Variants in DLG2 observed in about 807,000 individuals in gnomAD.
DLG2 encodes the protein disks large homolog 2.
Under a neutral mutation model 132.5 loss-of-function variants are expected in DLG2, and 45 were observed. That is an observed-to-expected ratio of 0.34 (90% CI 0.27 to 0.44). The LOEUF is 0.44. Among genes scored for constraint, DLG2 ranks in the 20% least tolerant of loss-of-function variants. The pLI is 1.00. For synonymous variants in DLG2, 424 were observed against 419.6 expected, an observed-to-expected ratio of 1.01 and a Z score of -0.13; for missense variants, 1,045 against 1,196.9, an observed-to-expected ratio of 0.87 and a Z score of 1.87.
At chr11:84,709,164 T>A (rs2060098935) in intron 6 of DLG2, among the ~76,000 whole-genome samples, 1 of 151,832 alleles carries the variant, frequency 6.6e-6, no homozygotes. Context: ...TAGGATATAT[T>A]AATAATATGC....
At chr11:84,235,442 C>A (rs925975707) in intron 8 of DLG2, among the ~76,000 whole-genome samples, 2 of 151,980 alleles carry the variant, frequency 1.3e-5, no homozygotes, top group Admixed American at 6.6e-5. Context: ...ACTTTGAGAG[C>A]CTAAGGCAGA....
intron 8 of DLG2, among the ~76,000 whole-genome samples, chr11:84,184,893 T>G (rs921765161): frequency 4.6e-5 from 7 of 152,208 alleles, no homozygotes; most frequent in Non-Finnish European, 8.8e-5. Context: ...ATATGCGACA[T>G]TATTTCTGAG....
intron 7 of DLG2, among the ~76,000 whole-genome samples, chr11:84,277,971 G>A (rs2154368432): frequency 6.6e-6 from 1 of 151,448 alleles, no homozygotes; most frequent in South Asian, 2.1e-4. Flanking sequence ...ATGGCTCACT[G>A]AAGACTTGAA....
At chr11:85,016,198 T>G (rs1302212346) in intron 6 of DLG2, among the ~76,000 whole-genome samples, 1 of 152,144 alleles carries the variant, frequency 6.6e-6, no homozygotes, top group African/African-American at 2.4e-5. Context: ...AAATTGTGTA[T>G]GTTTCTCTTT....
intron 7 of DLG2, among the ~76,000 whole-genome samples, chr11:84,268,562 C>T (rs868648299): frequency 3.3e-5 from 5 of 151,330 alleles, no homozygotes; most frequent in East Asian, 3.9e-4. Flanking sequence ...CCCAGGTTCA[C>T]GCCATTCTCC....
At chr11:83,647,753 T>C (rs1252238240) in intron 18 of DLG2, 1 of 152,236 alleles carries the variant, frequency 6.6e-6, no homozygotes, top group Non-Finnish European at 1.5e-5. Context: ...AATTCCTTAA[T>C]TGTTACTTTA....
At chr11:83,945,806 C>CTGTG (rs56913664) in intron 14 of DLG2, among the ~76,000 whole-genome samples, 83,151 of 136,112 alleles carry the variant, frequency 0.61, 26,362 homozygotes, top group Non-Finnish European at 0.72. Context: ...AGAAATGCCT[C>CTGTG]TGTGTGTGTG....
intron 15 of DLG2, among the ~76,000 whole-genome samples, chr11:83,888,801 G>A (rs1253128962): frequency 7.9e-5 from 12 of 152,142 alleles, no homozygotes; most frequent in East Asian, 1.9e-4. Flanking sequence ...AAATAAAGCC[G>A]CATATCTACA....
At position 83,580,367 on chromosome 11, in the gene DLG2, A is replaced by C. The variant is rs551446000; in HGVS notation, c.1941-38509T>G. Among the ~76,000 whole-genome samples, 13 of 152,270 alleles carry C rather than the reference A, an allele frequency of 8.5e-5. No individual in the cohort carries two copies. The East Asian group carries it at 2.5e-3, about 29-fold the overall frequency. On this transcript the variant is annotated intron_variant, in intron 19 of 27. Transcript: ENST00000376104. ...TAGATGCCACAACTTTTAGGAAAAAAAAAAACATTTATTGAGCACTACTCT... is the reference window on the plus strand; with the variant it reads ...TAGATGCCACAACTTTTAGGAAAAACAAAAACATTTATTGAGCACTACTCT...
intron 3 of DLG2, among the ~76,000 whole-genome samples, chr11:85,527,672 T>C (rs751720556): frequency 2.0e-5 from 3 of 152,226 alleles, no homozygotes; most frequent in Non-Finnish European, 4.4e-5. Flanking sequence ...TGCATCTGTC[T>C]TTATAGTAAA....
At chr11:85,280,445 C>T (rs1305492093) in intron 4 of DLG2, among the ~76,000 whole-genome samples, 1 of 152,054 alleles carries the variant, frequency 6.6e-6, no homozygotes, top group Non-Finnish European at 1.5e-5. Flanking sequence ...AGAAGACTTT[C>T]AGATTACTCT....
chr11:83,576,654 G>A (rs1163959763), intron 19 of DLG2, among the ~76,000 whole-genome samples: 1 of 152,004 alleles, frequency 6.6e-6, no homozygotes, highest in Non-Finnish European at 1.5e-5. Context: ...GCACTGTAAG[G>A]GTCAACTTAA....
chr11:84,440,696 T>A (rs2099014618), intron 7 of DLG2, among the ~76,000 whole-genome samples: 1 of 152,178 alleles, frequency 6.6e-6, no homozygotes, highest in South Asian at 2.1e-4. Flanking sequence ...TTAAAGCCTC[T>A]CCTATGACGG....
chr11:84,257,665 C>T (rs1350574612), intron 7 of DLG2, among the ~76,000 whole-genome samples: 1 of 151,152 alleles, frequency 6.6e-6, no homozygotes, highest in Admixed American at 6.6e-5. Context: ...ACAGATTTCA[C>T]CAGTTATCTC....
At chr11:83,571,126 C>A (rs1056316276) in intron 19 of DLG2, among the ~76,000 whole-genome samples, 1 of 152,144 alleles carries the variant, frequency 6.6e-6, no homozygotes, top group Non-Finnish European at 1.5e-5. Flanking sequence ...AGGTGATCCA[C>A]CCACCTTGGC....
intron 10 of DLG2, among the ~76,000 whole-genome samples, chr11:84,096,564 G>A (rs2097168427): frequency 6.6e-6 from 1 of 152,048 alleles, no homozygotes; most frequent in African/African-American, 2.4e-5. Context: ...TGGTTAAAGG[G>A]TGGAGGTTCT....
chr11:84,790,762 A>G (rs1401456219), intron 6 of DLG2, among the ~76,000 whole-genome samples: 3 of 152,176 alleles, frequency 2.0e-5, no homozygotes, highest in African/African-American at 7.2e-5. Flanking sequence ...TGATTTTTGT[A>G]TACGATGAGA....
At chr11:85,147,539 C>G (rs1223373255) in intron 5 of DLG2, among the ~76,000 whole-genome samples, 1 of 151,982 alleles carries the variant, frequency 6.6e-6, no homozygotes, top group South Asian at 2.1e-4. Flanking sequence ...GATATTAACC[C>G]CTTATCTAAT....
chr11:85,021,016 C>T, intron 6 of DLG2: 1 of 773,124 alleles, frequency 1.3e-6, no homozygotes. Flanking sequence ...ATATCTACTG[C>T]TTGTTTGTTC....
Sources: gnomAD v4.1 joint callset for allele counts (sites outside exome capture counted in the v4.1 genomes callset) on GRCh38, gnomAD v4.1.1 for gene constraint, MANE v1.5 for transcripts, NCBI Gene and HGNC (gene_info 2026-07-23, HGNC 2026-07-21) for gene names.